RYR2: variants seen among roughly 807,000 people sequenced by gnomAD.
RYR2 encodes the protein cardiac muscle ryanodine receptor-calcium release channel.
Under a neutral mutation model 601.1 loss-of-function variants are expected in RYR2, and 227 were observed. The ratio of observed to expected loss-of-function variants is 0.38; its 90% CI spans 0.34 to 0.42. The LOEUF (loss-of-function observed/expected upper bound fraction) is 0.42. Ranked by LOEUF, RYR2 falls within the 10% of genes least tolerant of loss-of-function variation. RYR2 has a pLI of 1.00. For missense variants in RYR2, 4,646 were observed against 6,156.5 expected (o/e 0.75, Z 8.21); for synonymous variants, 2,223 against 2,175.1 (o/e 1.02, Z -0.61).
At chr1:237,293,088 GCAATAC>G (rs1692404646) in intron 2 of RYR2, among the ~76,000 whole-genome samples, 1 of 151,996 alleles carries the variant, frequency 6.6e-6, no homozygotes, top group African/African-American at 2.4e-5. Flanking sequence ...CAATTCTCCA[GCAATAC>G]TAAGTGTTCT....
intron 1 of RYR2, among the ~76,000 whole-genome samples, chr1:237,046,600 T>C (rs566660224): frequency 1.3e-5 from 2 of 152,332 alleles, no homozygotes; most frequent in South Asian, 4.1e-4. Context: ...GAAATTAGCA[T>C]GTACACATTG....
chr1:237,100,736 A>G (rs756889152), intron 1 of RYR2, among the ~76,000 whole-genome samples: 9 of 152,096 alleles, frequency 5.9e-5, no homozygotes, highest in Non-Finnish European at 1.3e-4. Flanking sequence ...AGCCAGGGCA[A>G]GAAAGGATTT....
chr1:237,390,014 G>A (rs142308668), intron 10 of RYR2, among the ~76,000 whole-genome samples: 1 of 152,312 alleles, frequency 6.6e-6, no homozygotes. Flanking sequence ...CCTACAGAAT[G>A]CTGATGTTTA....
At chr1:237,700,206 G>C (rs1687843741) in intron 64 of RYR2, 23 bp from the exon 65 acceptor site, 5 of 1,321,408 alleles carry the variant, frequency 3.8e-6, no homozygotes, top group Non-Finnish European at 5.3e-6. Context: ...GAAGATACGA[G>C]TCCTCCCTTA....
intron 1 of RYR2, among the ~76,000 whole-genome samples, chr1:237,195,627 G>A (rs754123400): frequency 4.6e-5 from 7 of 152,172 alleles, no homozygotes; most frequent in African/African-American, 1.7e-4. Context: ...TAGCACATAT[G>A]TATGCATATA....
At chr1:237,320,835 G>C (rs1334611653) in intron 2 of RYR2, among the ~76,000 whole-genome samples, 1 of 152,274 alleles carries the variant, frequency 6.6e-6, no homozygotes, top group East Asian at 1.9e-4. Flanking sequence ...ATTCCCAGAG[G>C]AGCTCATGTG....
chr1:237,072,206 C>T (rs1473941587), intron 1 of RYR2, among the ~76,000 whole-genome samples: 4 of 152,232 alleles, frequency 2.6e-5, no homozygotes, highest in East Asian at 1.9e-4. Flanking sequence ...GGGCATGCCG[C>T]CCCGGTTGTG....
At chr1:237,250,781 T>G (rs1300346224) in intron 1 of RYR2, among the ~76,000 whole-genome samples, 1 of 152,186 alleles carries the variant, frequency 6.6e-6, no homozygotes, top group Non-Finnish European at 1.5e-5. Context: ...CACTAACTTC[T>G]TATTTGATCT....
intron 10 of RYR2, among the ~76,000 whole-genome samples, chr1:237,402,401 A>G (rs1002193670): frequency 6.7e-5 from 10 of 148,734 alleles, no homozygotes; most frequent in African/African-American, 2.2e-4. Context: ...AAAAAAAAGA[A>G]AAAAAAATAT....
chr1:237,709,546 T>A lies in RYR2; in HGVS notation c.10209T>A (p.Phe3403Leu). 1 of 1,610,178 alleles carries A rather than the reference T, an allele frequency of 6.2e-7. No individual in the cohort carries two copies. The highest frequency in any genetic ancestry group is 8.5e-7 in the Non-Finnish European group (1 of 1,177,792). The change falls in exon 70 of 105, where the codon TTT (phenylalanine) becomes TTA (leucine). Residue 3403 changes from phenylalanine (F) to leucine (L), a missense_variant. Phe to Leu is a conservative substitution (Grantham distance 22). Coordinates refer to ENST00000366574, the MANE Select transcript of RYR2 (RefSeq NM_001035.3). ...EELFRMVAEVFIYWSKSHNFK... is the reference protein window; with the variant it reads ...EELFRMVAEVLIYWSKSHNFK... Reference sequence around the variant, plus strand: ...TCTTCCGCATGGTGGCTGAAGTGTTTATCTACTGGTCGAAGTCCCATGTGA... The same window carrying A: ...TCTTCCGCATGGTGGCTGAAGTGTTAATCTACTGGTCGAAGTCCCATGTGA...
rs1660307306 is a variant in RYR2 at position 237,044,424 on chromosome 1, G to A, written c.48+1855G>A. ...GTTATCAGAATGCTTAATGGGGACC[G>A]AGGGAACGTGCTGGCTGATGAGGTT... On this transcript the variant is annotated intron_variant, in intron 1 of 104. Coordinates refer to ENST00000366574, the MANE Select transcript of RYR2 (RefSeq NM_001035.3). 2.0e-5 allele frequency among the ~76,000 whole-genome samples: 3 copies of A among 152,200 alleles called. No homozygotes were observed. The South Asian group carries it at 6.2e-4, about 32-fold the overall frequency.
Position 237,760,815 on chromosome 1 carries a change from A to AATGAATGGAGACATGTG in RYR2, c.11403-124_11403-123insGATGAATGGAGACATGT, listed in dbSNP as rs386370131. 208 of 556,348 alleles carry AATGAATGGAGACATGTG rather than the reference A, an allele frequency of 3.7e-4. 1 individual carries two copies. Among genetic ancestry groups the AATGAATGGAGACATGTG allele is most frequent in the Middle Eastern group, 3.5e-3 (8 of 2,300 alleles). 34.5% of individuals were successfully genotyped at this position (556,348 alleles called of 1,614,324 possible). A position where few individuals can be genotyped will look rare whatever the true frequency, so the allele number is the denominator to read the frequency against. On this transcript the variant is annotated intron_variant, in intron 83 of 104. Coordinates refer to ENST00000366574, the MANE Select transcript of RYR2 (RefSeq NM_001035.3). ...CACTAAGAAAATACGGTTGGTACGC[A>AATGAATGGAGACATGTG]ATGAATGGAGACATGTTTTCAGTGT...
At chr1:237,129,187 G>T (rs1671874379) in intron 1 of RYR2, among the ~76,000 whole-genome samples, 1 of 152,158 alleles carries the variant, frequency 6.6e-6, no homozygotes, top group Non-Finnish European at 1.5e-5. Flanking sequence ...ATCCCAGCTG[G>T]TATTCCTGCT....
chr1:237,316,781 A>G (rs758047967), intron 2 of RYR2, among the ~76,000 whole-genome samples: 1 of 151,834 alleles, frequency 6.6e-6, no homozygotes, highest in Non-Finnish European at 1.5e-5. Context: ...AAAGATGTTC[A>G]TTTTACTTGC....
At chr1:237,517,441 A>C (rs1666658093) in intron 24 of RYR2, among the ~76,000 whole-genome samples, 1 of 152,192 alleles carries the variant, frequency 6.6e-6, no homozygotes, top group African/African-American at 2.4e-5. Flanking sequence ...CATTGGAAGA[A>C]TTATCTTGGG....
chr1:237,345,194 C>G (rs935801919), intron 3 of RYR2, among the ~76,000 whole-genome samples: 6 of 152,040 alleles, frequency 3.9e-5, no homozygotes, highest in African/African-American at 1.4e-4. Flanking sequence ...TTTGCCTTCC[C>G]ATATAAATTT....
intron 65 of RYR2, among the ~76,000 whole-genome samples, chr1:237,700,892 CTG>C (rs1457908035): frequency 6.6e-6 from 1 of 152,212 alleles, no homozygotes; most frequent in Non-Finnish European, 1.5e-5. Flanking sequence ...GAGACAAAGT[CTG>C]TGTCTAAATA....
chr1:237,066,515 C>G (rs1454902420), intron 1 of RYR2, among the ~76,000 whole-genome samples: 1 of 152,106 alleles, frequency 6.6e-6, no homozygotes, highest in Admixed American at 6.6e-5. Flanking sequence ...GGTATTGTAA[C>G]TGTTTTTAAA....
At chr1:237,195,105 T>A (rs528601085) in intron 1 of RYR2, among the ~76,000 whole-genome samples, 135 of 152,356 alleles carry the variant, frequency 8.9e-4, no homozygotes, top group African/African-American at 3.2e-3. Context: ...TATTTTCTTA[T>A]AATTTTCCTA....
Sources: allele counts gnomAD v4.1 joint callset (sites outside exome capture counted in the v4.1 genomes callset), GRCh38; gene constraint gnomAD v4.1.1; transcripts MANE v1.5; gene names NCBI Gene and HGNC (gene_info 2026-07-23, HGNC 2026-07-21).